Variants in BLTP1 observed in about 807,000 individuals in gnomAD.
The protein encoded by BLTP1 is fragile site-associated protein.
At chr4:122,270,496 AT>A in the BLTP1 span, 5 of 313,542 alleles carry the variant, frequency 1.6e-5, no homozygotes, top group African/African-American at 2.3e-5. Flanking sequence ...TGCCAAAATA[AT>A]TTTTTTATCA....
At chr4:122,280,015 C>T in the BLTP1 span, 1 of 1,612,368 alleles carries the variant, frequency 6.2e-7, no homozygotes, top group Non-Finnish European at 8.5e-7. Flanking sequence ...TTCTGTGATT[C>T]CATATACTAC....
the BLTP1 span, chr4:122,280,043 T>C: frequency 1.2e-6 from 2 of 1,606,174 alleles, no homozygotes; most frequent in Non-Finnish European, 1.7e-6. Flanking sequence ...TATTCTTTGC[T>C]GCATTAACAA....
At chr4:122,250,496 G>A in the BLTP1 span, 3 of 1,613,698 alleles carry the variant, frequency 1.9e-6, no homozygotes, top group Non-Finnish European at 2.5e-6. Flanking sequence ...TAATACTGAT[G>A]TCTCTGATGA....
the BLTP1 span, among the ~76,000 whole-genome samples, chr4:122,232,992 C>T: frequency 6.6e-6 from 1 of 152,216 alleles, no homozygotes; most frequent in South Asian, 2.1e-4. Flanking sequence ...GGAAGAGCTA[C>T]TGAATACATA....
the BLTP1 span, among the ~76,000 whole-genome samples, chr4:122,296,289 C>T: frequency 6.6e-6 from 1 of 152,018 alleles, no homozygotes; most frequent in Admixed American, 6.6e-5. Flanking sequence ...AAGAAGAGAC[C>T]CAAATCATGA....
chr4:122,308,208 A>G, the BLTP1 span: 1 of 1,590,378 alleles, frequency 6.3e-7, no homozygotes, highest in Non-Finnish European at 8.6e-7. Flanking sequence ...AGGCATTTCT[A>G]CATAACCATT....
At chr4:122,356,827 T>C in the BLTP1 span, 51 of 1,540,706 alleles carry the variant, frequency 3.3e-5, no homozygotes, top group African/African-American at 6.3e-4. Context: ...TGAATTGTTA[T>C]GGTCTAATGA....
At chr4:122,196,747 A>G in the BLTP1 span, 4 of 1,608,150 alleles carry the variant, frequency 2.5e-6, no homozygotes, top group African/African-American at 2.7e-5. Flanking sequence ...ACGAATGAAT[A>G]TTATTGCAGA....
chr4:122,324,320 C>CCCT, the BLTP1 span: 2 of 1,163,228 alleles, frequency 1.7e-6, no homozygotes, highest in Non-Finnish European at 2.3e-6. Context: ...CATTAAAGTC[C>CCCT]CCTGGGGAAA....
At chr4:122,304,612 A>G in the BLTP1 span, 6 of 638,506 alleles carry the variant, frequency 9.4e-6, no homozygotes, top group Admixed American at 3.8e-4. Context: ...CTGGAAAACA[A>G]AAAAATTTGT....
At chr4:122,157,077 G>A in the BLTP1 span, among the ~76,000 whole-genome samples, 2 of 152,160 alleles carry the variant, frequency 1.3e-5, no homozygotes, top group South Asian at 4.1e-4. Context: ...GGAGAGTGAG[G>A]TGGTTTAGCT....
the BLTP1 span, among the ~76,000 whole-genome samples, chr4:122,292,105 G>T: frequency 6.6e-6 from 1 of 151,758 alleles, no homozygotes; most frequent in Admixed American, 6.6e-5. Flanking sequence ...CAAGTAGCTG[G>T]GACTACAGGC....
At chr4:122,242,149 G>T in the BLTP1 span, among the ~76,000 whole-genome samples, 6 of 152,220 alleles carry the variant, frequency 3.9e-5, no homozygotes, top group African/African-American at 1.4e-4. Flanking sequence ...AATTAATTCA[G>T]TTTATTAAAG....
the BLTP1 span, among the ~76,000 whole-genome samples, chr4:122,357,878 T>C: frequency 6.6e-6 from 1 of 152,198 alleles, no homozygotes; most frequent in Non-Finnish European, 1.5e-5. Context: ...AAATAAAGAT[T>C]ATCAAACGAC....
chr4:122,286,377 G>A, the BLTP1 span: 99 of 880,108 alleles, frequency 1.1e-4, no homozygotes, highest in Non-Finnish European at 8.9e-5. Flanking sequence ...CGTATTTAAA[G>A]ATAGGGAATA....
the BLTP1 span, among the ~76,000 whole-genome samples, chr4:122,304,362 C>G: frequency 1.3e-5 from 2 of 152,146 alleles, no homozygotes; most frequent in Non-Finnish European, 2.9e-5. Flanking sequence ...CAGGCACACA[C>G]CACCATGCCC....
At chr4:122,251,745 C>T in the BLTP1 span, 3 of 303,262 alleles carry the variant, frequency 9.9e-6, no homozygotes, top group African/African-American at 2.3e-5. Context: ...TTTATTGGTC[C>T]ATTTCTTTAT....
chr4:122,226,583 CAGA>C, the BLTP1 span: 1 of 1,480,236 alleles, frequency 6.8e-7, no homozygotes, highest in African/African-American at 1.5e-5. Flanking sequence ...GCTTATTTAG[CAGA>C]AGTTTTAAGA....
chr4:122,203,567 G>A, the BLTP1 span, among the ~76,000 whole-genome samples: 1 of 151,770 alleles, frequency 6.6e-6, no homozygotes, highest in South Asian at 2.1e-4. Context: ...CAGTCATCAG[G>A]AAAGTGCTTC....
Sources: allele counts gnomAD v4.1 joint callset (sites outside exome capture counted in the v4.1 genomes callset), GRCh38; gene constraint gnomAD v4.1.1; transcripts MANE v1.5; gene names NCBI Gene and HGNC (gene_info 2026-07-23, HGNC 2026-07-21).